ITGA7: variants seen among roughly 807,000 people sequenced by gnomAD.
ITGA7 encodes integrin alpha-7.
In ITGA7, 84 loss-of-function variants were observed where a neutral mutation model predicts 131.6. The ratio of observed to expected loss-of-function variants is 0.64; its 90% confidence interval spans 0.54 to 0.77. The LOEUF (loss-of-function observed/expected upper bound fraction) is 0.77. Ranked by LOEUF, ITGA7 falls within the 30% of genes least tolerant of loss-of-function variation. The probability of loss-of-function intolerance (pLI) is 0.00; values close to 1 mark genes in which losing one functional copy is unlikely to be tolerated. For synonymous variants in ITGA7, 548 were observed against 600.7 expected (o/e 0.91, Z 1.28); for missense variants, 1,399 against 1,482.9 (o/e 0.94, Z 0.93).
intron 21 of ITGA7, 80 bp downstream of exon 21, chr12:55,692,764 A>G: frequency 6.6e-7 from 1 of 1,515,892 alleles, no homozygotes; most frequent in Non-Finnish European, 8.9e-7. Context: ...CACCCAGACC[A>G]TCATGTGTCT....
At chr12:55,700,478 G>C (rs1873743728) in intron 4 of ITGA7, 42 of 1,489,372 alleles carry the variant, frequency 2.8e-5, no homozygotes, top group Non-Finnish European at 3.7e-5. Context: ...GGCACACGGG[G>C]AAGCCCTGCC....
Position 55,700,985 on chromosome 12 carries a change from C to A in ITGA7, c.584G>T (p.Gly195Val). The A allele has an allele frequency of 6.2e-7, 1 of 1,614,230 alleles. No individual in the cohort carries two copies. Among genetic ancestry groups the A allele is most frequent in the Non-Finnish European group, 8.5e-7 (1 of 1,180,034 alleles). The change falls in exon 4 of 25, where the codon GGG becomes GTG. Residue 195 changes from glycine to valine, a missense_variant. Physicochemically the swap from Gly to Val is moderately radical, Grantham distance 109. Transcript: ENST00000257879. ...GGCAGCTGTGCCCTGCTGGCAGAAC[C>A]CAAATTGTTCATGGCCTTGGGGGCG... is the stretch of plus-strand genomic sequence containing the variant. The part of the protein sequence containing the change: ...EGRPQGHEQF[G>V]FCQQGTAAAF...
At chr12:55,707,346 A>AT in intron 1 of ITGA7, 131 bp downstream of exon 1, 1 of 730,038 alleles carries the variant, frequency 1.4e-6, no homozygotes, top group Non-Finnish European at 2.3e-6. Flanking sequence ...CCAGGTTGGG[A>AT]TGTGGGATGT....
intron 7 of ITGA7, 72 bp from the exon 8 acceptor site, chr12:55,698,098 C>G (rs1192125176): frequency 4.5e-6 from 6 of 1,341,528 alleles, no homozygotes; most frequent in Non-Finnish European, 5.4e-6. Flanking sequence ...CTCAACTCCC[C>G]CCAGTCACTC....
chr12:55,702,720 T>G, intron 3 of ITGA7, 152 bp downstream of exon 3: 1 of 710,262 alleles, frequency 1.4e-6, no homozygotes, highest in Non-Finnish European at 2.5e-6. Flanking sequence ...AAGGACCATG[T>G]CTCACACCTT....
chr12:55,686,801 G>C (rs1480850813), intron 24 of ITGA7, among the ~76,000 whole-genome samples: 4 of 152,258 alleles, frequency 2.6e-5, no homozygotes, highest in Admixed American at 2.6e-4. Flanking sequence ...TGGAAGCTCT[G>C]AGTTCCGCCA....
At chr12:55,688,696 C>G in intron 22 of ITGA7, 148 bp downstream of exon 22, 3 of 677,458 alleles carry the variant, frequency 4.4e-6, no homozygotes, top group Non-Finnish European at 8.0e-6. Flanking sequence ...GCACTCCAGC[C>G]TGGGGGACAA....
upstream of ITGA7, chr12:55,711,937 AAC>A: frequency 1.3e-6 from 1 of 774,800 alleles, no homozygotes. Context: ...ACACTTCCAG[AAC>A]ACACACTTCA....
chr12:55,694,292 G>C lies in ITGA7; in HGVS notation c.2396C>G (p.Ala799Gly). Residue 799 changes from alanine (A) to glycine (G), a missense_variant, in exon 18 of 25, where the codon GCC becomes GGC. Coordinates refer to ENST00000257879, the MANE Select transcript of ITGA7 (RefSeq NM_002206.3). The surrounding 1 kb of genome is among the most constrained non-coding windows in gnomAD (Gnocchi z 5.3). ...CAGTGGCAGCTCAATGAAGACACGG[G>C]CTCGTGCAGAGACTGGATGCAGCTC... ...EQELHPVSARARVFIELPLSI... is the reference protein window; with the variant it reads ...EQELHPVSARGRVFIELPLSI... 6.2e-7 allele frequency: 1 copy of C among 1,614,058 alleles called. No homozygotes were observed. Among genetic ancestry groups the C allele is most frequent in the South Asian group, 1.1e-5 (1 of 91,088 alleles).
intron 4 of ITGA7, chr12:55,700,667 C>A: frequency 1.5e-6 from 1 of 655,918 alleles, no homozygotes; most frequent in East Asian, 2.7e-5. Context: ...GCAGGCCCAG[C>A]GTGCACTTGG....
intron 24 of ITGA7, chr12:55,686,251 G>C (rs1565608287): frequency 7.4e-7 from 1 of 1,349,886 alleles, no homozygotes; most frequent in African/African-American, 1.5e-5. Flanking sequence ...TGCACAGCCA[G>C]ACAGGCCCGG....
intron 1 of ITGA7, among the ~76,000 whole-genome samples, chr12:55,704,138 CAGA>C (rs1336839758): frequency 2.6e-5 from 4 of 152,210 alleles, no homozygotes; most frequent in African/African-American, 9.7e-5. Context: ...CCTCTCTTTG[CAGA>C]AGGAGAGACT....
At chr12:55,699,774 A>G in intron 5 of ITGA7, 96 bp downstream of exon 5, 3 of 1,415,172 alleles carry the variant, frequency 2.1e-6, no homozygotes, top group Non-Finnish European at 2.9e-6. Flanking sequence ...GTGTTGGGGG[A>G]GGAGGAGATT....
chr12:55,713,811 C>G (rs1876304960), upstream of ITGA7, among the ~76,000 whole-genome samples: 1 of 152,160 alleles, frequency 6.6e-6, no homozygotes, highest in South Asian at 2.1e-4. Context: ...TGCACATCTC[C>G]CAGGATTTGG....
upstream of ITGA7, among the ~76,000 whole-genome samples, chr12:55,710,232 G>T (rs1875961207): frequency 6.6e-6 from 1 of 152,008 alleles, no homozygotes; most frequent in South Asian, 2.1e-4. Flanking sequence ...GTGGTGGCGG[G>T]TACCTGTAAT....
chr12:55,712,235 G>A, upstream of ITGA7: 1 of 1,551,514 alleles, frequency 6.4e-7, no homozygotes, highest in Non-Finnish European at 8.7e-7. Context: ...TAACACTTGA[G>A]AAGGACTGGG....
upstream of ITGA7, among the ~76,000 whole-genome samples, chr12:55,714,090 G>A (rs941731009): frequency 6.6e-6 from 1 of 152,202 alleles, no homozygotes; most frequent in African/African-American, 2.4e-5. Context: ...AAAATATACT[G>A]ATAAGGCCAG....
In ITGA7 at chr12:55,694,853, A is replaced by C. The variant is rs770092173; in HGVS notation, c.2121T>G (p.Asp707Glu). The change falls in exon 15 of 25, where the codon GAT (aspartate) becomes GAG (glutamate). Residue 707 changes from aspartate to glutamate, a missense_variant. Transcript: ENST00000257879. This position sits in a 1 kb window ranked among gnomAD's most constrained non-coding sequence, Gnocchi z 5.3. ...TGACCAGGAGCTGGGCTTCATGGGC[A>C]TCATCCCCATCAGCCTGGGGCTGGG... is the stretch of plus-strand genomic sequence containing the variant. The part of the protein sequence containing the change: ...DPAQPQADGD[D>E]AHEAQLLVML... 6 of 1,613,646 alleles carry C rather than the reference A, an allele frequency of 3.7e-6. No homozygotes were observed. The East Asian group carries it at 1.3e-4, about 36-fold the overall frequency.
intron 4 of ITGA7, 124 bp downstream of exon 4, chr12:55,700,775 C>A: frequency 8.0e-7 from 1 of 1,257,632 alleles, no homozygotes; most frequent in Non-Finnish European, 1.1e-6. Context: ...GAAGGCATGG[C>A]AGTGCCCTGG....
Sources: gnomAD v4.1 joint callset for allele counts (sites outside exome capture counted in the v4.1 genomes callset) on GRCh38, gnomAD v4.1.1 for gene constraint, Gnocchi (gnomAD v3.1) non-coding constraint, MANE v1.5 for transcripts, NCBI Gene and HGNC (gene_info 2026-07-23, HGNC 2026-07-21) for gene names.